Variants in PIBF1 observed in about 807,000 individuals in gnomAD.
PIBF1 encodes the protein progesterone immunomodulatory binding factor 1.
A neutral mutation model predicts 112.5 loss-of-function variants in PIBF1; 90 were observed. The ratio of observed to expected loss-of-function variants is 0.80; its 90% CI spans 0.67 to 0.95. The LOEUF (loss-of-function observed/expected upper bound fraction) is 0.95. PIBF1 is among the 40% of genes least tolerant of loss of function. PIBF1 has a pLI of 0.00. For synonymous variants in PIBF1, 301 were observed against 288.6 expected (o/e 1.04, Z -0.44); for missense variants, 915 against 852.3 (o/e 1.07, Z -0.92).
intron 13 of PIBF1, among the ~76,000 whole-genome samples, chr13:72,921,343 G>A (rs1159392443): frequency 6.6e-6 from 1 of 151,998 alleles, no homozygotes. Flanking sequence ...AAACTCCTAA[G>A]CTCAGGCAAT....
intron 17 of PIBF1, among the ~76,000 whole-genome samples, chr13:73,002,983 C>CAAAAAAAAAAAAAAAAAAAAAAAAAA (rs1161228077): frequency 1.7e-5 from 1 of 57,520 alleles, no homozygotes; most frequent in Non-Finnish European, 2.9e-5. Flanking sequence ...ACTCTGGTCT[C>CAAAAAAAAAAAAAAAAAAAAAAAAAA]AAAAAAAAAA....
chr13:72,869,788 G>A (rs932059834), intron 10 of PIBF1, among the ~76,000 whole-genome samples: 4 of 151,454 alleles, frequency 2.6e-5, no homozygotes, highest in African/African-American at 7.3e-5. Context: ...AAAGGTTGTG[G>A]CTACTTAACC....
intron 13 of PIBF1, among the ~76,000 whole-genome samples, chr13:72,925,037 G>A (rs961995590): frequency 2.6e-5 from 4 of 152,120 alleles, no homozygotes; most frequent in Admixed American, 2.0e-4. Context: ...TTTGTGAGAC[G>A]TTAAGTAGAG....
chr13:72,816,254 C>T (rs2036269461), intron 5 of PIBF1, among the ~76,000 whole-genome samples: 1 of 152,198 alleles, frequency 6.6e-6, no homozygotes, highest in South Asian at 2.1e-4. Flanking sequence ...GAAAAGTTGA[C>T]TTGCTAGAGC....
chr13:72,794,620 T>G (rs947433652), intron 3 of PIBF1, among the ~76,000 whole-genome samples: 4 of 152,160 alleles, frequency 2.6e-5, no homozygotes, highest in South Asian at 4.1e-4. Flanking sequence ...TCTCACAAGA[T>G]CTGATGGTTT....
intron 14 of PIBF1, among the ~76,000 whole-genome samples, chr13:72,938,710 G>A (rs1433689881): frequency 6.6e-6 from 1 of 152,090 alleles, no homozygotes. Context: ...AAGATGAAAT[G>A]GTAATTCTAT....
intron 16 of PIBF1, among the ~76,000 whole-genome samples, chr13:72,986,851 C>T (rs1282243501): frequency 6.6e-6 from 1 of 152,040 alleles, no homozygotes; most frequent in Non-Finnish European, 1.5e-5. Context: ...CCACCGCGCC[C>T]GGCTAATTTT....
chr13:72,827,203 T>A, intron 7 of PIBF1, 85 bp downstream of exon 7: 3 of 492,828 alleles, frequency 6.1e-6, no homozygotes, highest in South Asian at 4.9e-5. Flanking sequence ...AGGAGAGACA[T>A]TTTTTTTGTT....
chr13:72,804,262 A>G (rs1256805424), intron 5 of PIBF1, among the ~76,000 whole-genome samples: 5 of 152,182 alleles, frequency 3.3e-5, no homozygotes, highest in African/African-American at 1.2e-4. Flanking sequence ...TCCAATAATA[A>G]AAGAGTAATA....
At chr13:72,875,453 T>C (rs2039355407) in intron 10 of PIBF1, among the ~76,000 whole-genome samples, 1 of 152,114 alleles carries the variant, frequency 6.6e-6, no homozygotes, top group Non-Finnish European at 1.5e-5. Context: ...TGCTTAGTTT[T>C]GTAAGAAACC....
At chr13:72,867,530 C>T (rs922755415) in intron 10 of PIBF1, among the ~76,000 whole-genome samples, 10 of 152,136 alleles carry the variant, frequency 6.6e-5, no homozygotes, top group African/African-American at 2.4e-5. Flanking sequence ...AAAGGTAGAG[C>T]AGTCTCTGAC....
intron 9 of PIBF1, 134 bp downstream of exon 9, chr13:72,835,502 C>CT: frequency 1.7e-6 from 1 of 599,138 alleles, no homozygotes; most frequent in Non-Finnish European, 2.7e-6. Flanking sequence ...AAATTGAAAT[C>CT]TAAGTATAAT....
intron 11 of PIBF1, among the ~76,000 whole-genome samples, chr13:72,901,578 G>A (rs932607324): frequency 1.3e-5 from 2 of 151,980 alleles, no homozygotes; most frequent in East Asian, 1.9e-4. Flanking sequence ...TAAGCTACTC[G>A]AGAGACTGAG....
chr13:72,842,666 G>A (rs2037666277), intron 9 of PIBF1, among the ~76,000 whole-genome samples: 1 of 152,160 alleles, frequency 6.6e-6, no homozygotes, highest in South Asian at 2.1e-4. Context: ...CATTTTAAAA[G>A]TGTATGTCCT....
Position 72,798,010 on chromosome 13 carries a change from T to C in PIBF1, c.656T>C (p.Leu219Pro). The C allele has an allele frequency of 1.2e-6, 2 of 1,603,786 alleles. No homozygotes were observed. Among genetic ancestry groups the C allele is most frequent in the Non-Finnish European group, 1.7e-6 (2 of 1,176,678 alleles). ...GAATTAAGTACAAACAAAAACCAAC[T>C]GAAGCAGCTGACAGAGGTTTGTATG... ...AEELSTNKNQ[L>P]KQLTETYEED... is the part of the protein sequence containing the mutation. Residue 219 changes from leucine (L) to proline (P), a missense_variant, in exon 5 of 18, where the codon CTG becomes CCG. Physicochemically the swap from Leu to Pro is moderately conservative, Grantham distance 98 (BLOSUM62 -3). Transcript: ENST00000326291.
Position 72,927,956 on chromosome 13 carries a change from T to C in PIBF1, c.1731-3209T>C, listed in dbSNP as rs1045056547. ...TCTAATATATGTGTGTATATATATA[T>C]ATACACATATATATATATATACATA... On this transcript the variant is annotated intron_variant, in intron 13 of 17. Transcript: ENST00000326291. 1.3e-3 allele frequency among the ~76,000 whole-genome samples: 75 copies of C among 59,634 alleles called. 2 individuals carry two copies. In the East Asian group the frequency reaches 0.032, roughly 25 times the overall value. 39.1% of individuals were successfully genotyped at this position (59,634 alleles called of 152,430 possible).
chr13:72,944,217 C>A (rs1263360274), intron 14 of PIBF1, among the ~76,000 whole-genome samples: 4 of 151,966 alleles, frequency 2.6e-5, no homozygotes, highest in African/African-American at 7.2e-5. Flanking sequence ...GAGGCTGAGG[C>A]GGGGTGATCA....
intron 3 of PIBF1, among the ~76,000 whole-genome samples, chr13:72,794,191 A>T (rs1445932885): frequency 1.3e-5 from 2 of 152,210 alleles, no homozygotes; most frequent in African/African-American, 4.8e-5. Flanking sequence ...TCATGGAGGA[A>T]AAGAACTAAG....
At chr13:72,912,167 A>T (rs2040918649) in intron 12 of PIBF1, among the ~76,000 whole-genome samples, 1 of 152,220 alleles carries the variant, frequency 6.6e-6, no homozygotes, top group South Asian at 2.1e-4. Context: ...CCTACAAAGC[A>T]TTGACTTCAG....
Sources: gnomAD v4.1 joint callset for allele counts (sites outside exome capture counted in the v4.1 genomes callset) on GRCh38, gnomAD v4.1.1 for gene constraint, MANE v1.5 for transcripts, NCBI Gene and HGNC (gene_info 2026-07-23, HGNC 2026-07-21) for gene names.